ZFP64: variants seen among roughly 807,000 people sequenced by gnomAD.
ZFP64 encodes the protein ZFP64 zinc finger protein, also known as zinc finger protein 64.
In ZFP64, 14 loss-of-function variants were observed where a neutral mutation model predicts 51.6. The observed-to-expected ratio is 0.27, with a 90% CI of 0.18 to 0.42. The LOEUF (loss-of-function observed/expected upper bound fraction) is 0.42. Ranked by LOEUF, ZFP64 falls within the 10% of genes least tolerant of loss-of-function variation. The pLI is 1.00. For synonymous variants in ZFP64, 375 were observed against 361.4 expected (o/e 1.04, Z -0.43); for missense variants, 754 against 906.8 (o/e 0.83, Z 2.16).
chr20:52,189,272 A>C (rs1366602526), intron 1 of ZFP64, among the ~76,000 whole-genome samples: 3 of 151,116 alleles, frequency 2.0e-5, no homozygotes, highest in African/African-American at 7.3e-5. Flanking sequence ...GGCACGTGCC[A>C]GTAATCCCAG....
intron 5 of ZFP64, among the ~76,000 whole-genome samples, chr20:52,142,015 A>C (rs1262449218): frequency 6.6e-6 from 1 of 152,212 alleles, no homozygotes; most frequent in African/African-American, 2.4e-5. Context: ...ATGGGCATAC[A>C]GTGTGGAATA....
At chr20:52,105,480 G>T in intron 5 of ZFP64, 1 of 633,688 alleles carries the variant, frequency 1.6e-6, no homozygotes, top group Non-Finnish European at 2.2e-6. Context: ...GAGCTCGTTA[G>T]AAATGCAGAC....
At chr20:52,134,194 T>C (rs1979861746) in intron 5 of ZFP64, among the ~76,000 whole-genome samples, 1 of 152,108 alleles carries the variant, frequency 6.6e-6, no homozygotes, top group Non-Finnish European at 1.5e-5. Flanking sequence ...TTTGTAATTT[T>C]ACATTTTTTA....
chr20:52,160,386 T>A lies in ZFP64; in HGVS notation c.512-12A>T, dbSNP rs766869596. ...ATGGGGTTTGTCTCCTTCAAACACATACACACACAGATGGCAGCAGGAAAC... is the reference window on the plus strand; with the variant it reads ...ATGGGGTTTGTCTCCTTCAAACACAAACACACACAGATGGCAGCAGGAAAC... On this transcript the variant is annotated splice_polypyrimidine_tract_variant and intron_variant, in intron 4 of 5. Transcript: ENST00000216923. The surrounding 1 kb of genome is among the most constrained non-coding windows in gnomAD (Gnocchi z 4.2). The A allele has an allele frequency of 1.4e-5, 23 of 1,595,914 alleles. No homozygotes were observed. Among genetic ancestry groups the A allele is most frequent in the Admixed American group, 1.7e-5 (1 of 57,828 alleles).
At chr20:52,138,711 G>A (rs372010145) in intron 5 of ZFP64, among the ~76,000 whole-genome samples, 8 of 151,754 alleles carry the variant, frequency 5.3e-5, no homozygotes, top group Admixed American at 1.3e-4. Context: ...TGCAATCCTC[G>A]AGAGAGATTT....
intron 1 of ZFP64, among the ~76,000 whole-genome samples, chr20:52,190,186 C>T (rs1984270824): frequency 6.6e-6 from 1 of 152,138 alleles, no homozygotes; most frequent in Non-Finnish European, 1.5e-5. Context: ...CTTTTCTTCT[C>T]TGGCAGATAC....
chr20:52,153,553 C>G lies in ZFP64; in HGVS notation c.764-125G>C. ...GGTGCAGACCTCCTAACTGCAGCTT[C>G]TAGCAGCCCCTGGCAGTGGGGGAAG... On this transcript the variant is annotated intron_variant, in intron 5 of 5. Coordinates refer to ENST00000216923, the MANE Select transcript of ZFP64 (RefSeq NM_018197.3). The surrounding 1 kb of genome is among the most constrained non-coding windows in gnomAD (Gnocchi z 5.1). 7.3e-7 allele frequency: 1 copy of G among 1,372,486 alleles called. No homozygotes were observed. Among genetic ancestry groups the G allele is most frequent in the East Asian group, 2.5e-5 (1 of 39,506 alleles). The allele number at this position is 1,372,486 out of a possible 1,614,324, so 85.0% of individuals were successfully genotyped here.
In ZFP64 at chr20:52,153,186, C is replaced by A. The variant is rs115314727; in HGVS notation, c.1006G>T (p.Val336Leu). 1.9e-5 allele frequency: 30 copies of A among 1,614,044 alleles called. No homozygotes were observed. In the African/African-American group the frequency reaches 2.4e-4, roughly 13 times the overall value. Residue 336 changes from valine to leucine, a missense_variant, in exon 6 of 6, where the codon GTG (valine) becomes TTG (leucine). Val to Leu is a conservative substitution (Grantham distance 32, BLOSUM62 1). This residue lies in a region of ZFP64 where 428 missense variants were observed against 472.4 expected (regional missense o/e 0.91). Transcript: ENST00000216923. This position sits in a 1 kb window ranked among gnomAD's most constrained non-coding sequence, Gnocchi z 5.1. The part of the protein sequence containing the change: ...SKATLRKHSR[V>L]HQSEHPEKCS... ...TTCTCAGGATGCTCCGACTGGTGCA[C>A]GCGGCTGTGCTTCCGGAGGGTGGCT...
Position 52,191,736 on chromosome 20 carries a change from C to G in ZFP64, c.-100G>C, listed in dbSNP as rs558660958. The stretch of plus-strand genomic sequence containing the variant: ...TTTCCTTTTATTTTTCCACACCCCC[C>G]ACCCTGCCTTCTCCCAACTCTGCGA... On this transcript the variant is annotated 5_prime_UTR_variant, in exon 1 of 6. Transcript: ENST00000216923. The surrounding 1 kb of genome is among the most constrained non-coding windows in gnomAD (Gnocchi z 4.3). The G allele has an allele frequency of 1.7e-5, 23 of 1,370,388 alleles. No individual in the cohort carries two copies. The highest frequency in any genetic ancestry group is 4.9e-5 in the Admixed American group (2 of 40,486). The allele number at this position is 1,370,388 out of a possible 1,614,324, so 84.9% of individuals were successfully genotyped here.
At chr20:52,116,296 C>A (rs560768227) in intron 5 of ZFP64, among the ~76,000 whole-genome samples, 4 of 151,660 alleles carry the variant, frequency 2.6e-5, no homozygotes, top group Admixed American at 6.6e-5. Context: ...TCACCACGCA[C>A]GGCTTATTTT....
chr20:52,145,179 C>A (rs1980462925), intron 5 of ZFP64, among the ~76,000 whole-genome samples: 5 of 152,100 alleles, frequency 3.3e-5, no homozygotes, highest in Admixed American at 3.3e-4. Context: ...AACTAGAGAC[C>A]AGCTGCATGT....
At chr20:52,128,651 T>C (rs1352334642) in intron 5 of ZFP64, among the ~76,000 whole-genome samples, 1 of 152,206 alleles carries the variant, frequency 6.6e-6, no homozygotes, top group Non-Finnish European at 1.5e-5. Flanking sequence ...TATACTGCCT[T>C]GTGTTGAGTT....
intron 5 of ZFP64, among the ~76,000 whole-genome samples, chr20:52,107,676 C>T (rs1364668593): frequency 6.6e-6 from 1 of 152,204 alleles, no homozygotes; most frequent in African/African-American, 2.4e-5. Context: ...TTGCTAAGAT[C>T]ATCCAAATTG....
chr20:52,173,629 G>T (rs1220246145), intron 2 of ZFP64, among the ~76,000 whole-genome samples: 1 of 151,854 alleles, frequency 6.6e-6, no homozygotes, highest in Admixed American at 6.6e-5. Context: ...TCAAAACATG[G>T]CAATATACAT....
intron 5 of ZFP64, chr20:52,105,046 G>A (rs952657178): frequency 2.2e-6 from 3 of 1,378,492 alleles, no homozygotes; most frequent in Middle Eastern, 2.7e-4. Context: ...CAGGTCCCCT[G>A]CCCGGTCCTC....
intron 4 of ZFP64, among the ~76,000 whole-genome samples, chr20:52,162,683 T>A (rs1176860316): frequency 6.6e-6 from 1 of 152,304 alleles, no homozygotes; most frequent in Admixed American, 6.5e-5. Context: ...TCATCAAATT[T>A]AAAAATCCAG....
intron 7 of ZFP64, among the ~76,000 whole-genome samples, chr20:52,089,908 A>G (rs1234310744): frequency 6.6e-6 from 1 of 152,176 alleles, no homozygotes; most frequent in Non-Finnish European, 1.5e-5. Context: ...AAATATCTGT[A>G]TCTTCTTGTC....
chr20:52,191,682 G>A lies in ZFP64; in HGVS notation c.-46C>T. ...CCGGCCGGCCGGGATGCCAAAGTGG[G>A]GGACGCTGATCTACATGGTGCAAGG... On this transcript the variant is annotated 5_prime_UTR_variant, in exon 1 of 6. Coordinates refer to ENST00000216923, the MANE Select transcript of ZFP64 (RefSeq NM_018197.3). The surrounding 1 kb of genome is among the most constrained non-coding windows in gnomAD (Gnocchi z 4.3). The A allele has an allele frequency of 6.4e-7, 1 of 1,559,918 alleles. No homozygotes were observed. The highest frequency in any genetic ancestry group is 8.6e-7 in the Non-Finnish European group (1 of 1,157,366).
At chr20:52,097,852 G>A (rs1369460538) in intron 6 of ZFP64, among the ~76,000 whole-genome samples, 1 of 152,012 alleles carries the variant, frequency 6.6e-6, no homozygotes, top group Non-Finnish European at 1.5e-5. Context: ...GAGGATCACT[G>A]GAGGCCAGAA....
Sources: allele counts gnomAD v4.1 joint callset (sites outside exome capture counted in the v4.1 genomes callset), GRCh38; gene constraint gnomAD v4.1.1; regional missense constraint gnomAD v4.1.1; non-coding constraint Gnocchi (gnomAD v3.1); transcripts MANE v1.5; gene names NCBI Gene and HGNC (gene_info 2026-07-23, HGNC 2026-07-21).